Variants in LRRC49 observed in about 807,000 individuals in gnomAD.
The protein encoded by LRRC49 is leucine rich repeat containing 49, also known as leucine-rich repeat-containing protein 49.
Under a neutral mutation model 83.3 loss-of-function variants are expected in LRRC49, and 50 were observed. The observed-to-expected ratio is 0.60, with a 90% confidence interval of 0.48 to 0.76. The LOEUF (loss-of-function observed/expected upper bound fraction) is 0.76. Among genes scored for constraint, LRRC49 ranks in the 30% least tolerant of loss-of-function variants. The pLI, the probability that LRRC49 is intolerant of heterozygous loss-of-function variation, is 0.00. For missense variants in LRRC49, 704 were observed against 809.1 expected, an observed-to-expected ratio of 0.87 and a Z score of 1.58; for synonymous variants, 286 against 283.3, an observed-to-expected ratio of 1.01 and a Z score of -0.10.
At chr15:71,042,031 T>G (rs1312287820) in intron 15 of LRRC49, among the ~76,000 whole-genome samples, 1 of 152,204 alleles carries the variant, frequency 6.6e-6, no homozygotes, top group Non-Finnish European at 1.5e-5. Flanking sequence ...AGCAAAAGTT[T>G]CAAGTTTTTA....
At position 70,911,612 on chromosome 15, in the gene LRRC49, C is replaced by T; in HGVS notation, c.567+14C>T. The T allele has an allele frequency of 6.9e-7, 1 of 1,446,780 alleles. No homozygotes were observed. The highest frequency in any genetic ancestry group is 9.3e-7 in the Non-Finnish European group (1 of 1,072,474). 89.6% of individuals were successfully genotyped at this position (1,446,780 alleles called of 1,614,324 possible). A position where few individuals can be genotyped will look rare whatever the true frequency, so the allele number is the denominator to read the frequency against. On this transcript the variant is annotated intron_variant, in intron 6 of 15. Transcript: ENST00000260382. ...CATGGAAATCAGGTATTGTAAAGCC[C>T]TTTCATTTCTTTCTTTTTTGAAAAA...
At chr15:70,983,994 A>T in intron 10 of LRRC49, 100 bp from the exon 11 acceptor site, 1 of 830,356 alleles carries the variant, frequency 1.2e-6, no homozygotes, top group Non-Finnish European at 2.0e-6. Flanking sequence ...GGCTCCTTTT[A>T]AAAGTATTAT....
At chr15:70,895,714 C>A in intron 2 of LRRC49, 135 bp from the exon 3 acceptor site, 1 of 527,626 alleles carries the variant, frequency 1.9e-6, no homozygotes, top group Non-Finnish European at 3.3e-6. Flanking sequence ...AGTTTTCTTT[C>A]ACTTGGCATG....
chr15:71,048,078 A>ATTT (rs760450220), intron 15 of LRRC49, among the ~76,000 whole-genome samples: 120 of 106,730 alleles, frequency 1.1e-3, no homozygotes, highest in African/African-American at 4.1e-3. Flanking sequence ...ACCGGGCCAA[A>ATTT]TTTTTTTTTT....
At chr15:70,929,063 C>T (rs2035315540) in intron 7 of LRRC49, among the ~76,000 whole-genome samples, 1 of 152,096 alleles carries the variant, frequency 6.6e-6, no homozygotes, top group Admixed American at 6.5e-5. Flanking sequence ...TCTGGTTCTA[C>T]CTTTGAATTC....
intron 1 of LRRC49, among the ~76,000 whole-genome samples, chr15:70,870,231 T>C (rs1384064179): frequency 1.3e-5 from 2 of 152,202 alleles, no homozygotes; most frequent in East Asian, 1.9e-4. Flanking sequence ...AACATGAAGA[T>C]TGGAATGGAT....
intron 11 of LRRC49, among the ~76,000 whole-genome samples, chr15:71,006,019 A>T (rs981855771): frequency 6.6e-6 from 1 of 152,250 alleles, no homozygotes; most frequent in Middle Eastern, 3.4e-3. Context: ...GAAATGGGTT[A>T]GGTGTTATAT....
intron 8 of LRRC49, among the ~76,000 whole-genome samples, chr15:70,937,377 T>C (rs1480570688): frequency 6.6e-6 from 1 of 152,206 alleles, no homozygotes; most frequent in Non-Finnish European, 1.5e-5. Flanking sequence ...ATTGTGATGA[T>C]GTCTCATTTA....
chr15:70,949,376 T>C (rs183162050), intron 8 of LRRC49, among the ~76,000 whole-genome samples: 45 of 152,318 alleles, frequency 3.0e-4, no homozygotes, highest in Admixed American at 2.9e-3. Flanking sequence ...CCGCAACTTA[T>C]TACATATATA....
intron 2 of LRRC49, among the ~76,000 whole-genome samples, chr15:70,885,315 A>G (rs1336404275): frequency 6.6e-6 from 1 of 152,226 alleles, no homozygotes; most frequent in Non-Finnish European, 1.5e-5. Context: ...GCAATATTTG[A>G]ACAAATAACA....
intron 1 of LRRC49, among the ~76,000 whole-genome samples, chr15:70,856,095 A>C (rs2032648249): frequency 1.3e-5 from 2 of 152,212 alleles, no homozygotes; most frequent in Non-Finnish European, 2.9e-5. Context: ...TTTATGAACA[A>C]TTCATACATG....
intron 2 of LRRC49, among the ~76,000 whole-genome samples, chr15:70,895,169 A>G (rs2033778076): frequency 6.6e-6 from 1 of 152,192 alleles, no homozygotes; most frequent in African/African-American, 2.4e-5. Context: ...AATTAATTCA[A>G]GATACATATT....
chr15:70,949,523 A>G (rs967548002), intron 8 of LRRC49, among the ~76,000 whole-genome samples: 7 of 152,202 alleles, frequency 4.6e-5, no homozygotes, highest in African/African-American at 1.7e-4. Context: ...TGTACTATAT[A>G]GTTTTCCCTC....
intron 8 of LRRC49, among the ~76,000 whole-genome samples, chr15:70,958,208 C>T (rs1179533829): frequency 6.6e-6 from 1 of 152,108 alleles, no homozygotes; most frequent in South Asian, 2.1e-4. Flanking sequence ...CCTCTGTTAC[C>T]GCAATCTGCT....
At chr15:71,019,021 G>T (rs964727757) in intron 14 of LRRC49, among the ~76,000 whole-genome samples, 1 of 152,166 alleles carries the variant, frequency 6.6e-6, no homozygotes, top group Non-Finnish European at 1.5e-5. Context: ...GTGGGAAGGG[G>T]CACAGAGCTT....
At chr15:70,891,567 C>CTGTGTG (rs3220843), upstream of LRRC49, among the ~76,000 whole-genome samples, 4,105 of 136,920 alleles carry the variant, frequency 0.03, 78 homozygotes, top group Middle Eastern at 0.047. Context: ...GGACAAGACT[C>CTGTGTG]TGTGTGTGTG....
chr15:70,855,995 A>G (rs555771015), intron 1 of LRRC49, among the ~76,000 whole-genome samples: 1 of 152,074 alleles, frequency 6.6e-6, no homozygotes, highest in Non-Finnish European at 1.5e-5. Context: ...CCCATTATCT[A>G]TCTCATTTAA....
chr15:71,006,376 GTTGATGTTT>G (rs1254982068), intron 11 of LRRC49, among the ~76,000 whole-genome samples: 1 of 152,078 alleles, frequency 6.6e-6, no homozygotes, highest in East Asian at 1.9e-4. Context: ...CAAAGGGTTT[GTTGATGTTT>G]TTGATACATA....
chr15:70,929,268 T>C (rs1225172565), intron 7 of LRRC49, among the ~76,000 whole-genome samples: 1 of 152,194 alleles, frequency 6.6e-6, no homozygotes, highest in African/African-American at 2.4e-5. Flanking sequence ...AAAGCAAATG[T>C]AGGAATAAAT....
Sources: gnomAD v4.1 joint callset for allele counts (sites outside exome capture counted in the v4.1 genomes callset) on GRCh38, gnomAD v4.1.1 for gene constraint, MANE v1.5 for transcripts, NCBI Gene and HGNC (gene_info 2026-07-23, HGNC 2026-07-21) for gene names.